Variants in FBXO6 observed in about 807,000 individuals in gnomAD.
FBXO6 encodes F-box protein 6, also known as F-box only protein 6.
Under a neutral mutation model 25.0 loss-of-function variants are expected in FBXO6, and 13 were observed. That is an observed-to-expected ratio of 0.52 (90% CI 0.34 to 0.83). The LOEUF (loss-of-function observed/expected upper bound fraction) is 0.83. Ranked by LOEUF, FBXO6 falls within the 40% of genes least tolerant of loss-of-function variation. The pLI, the probability that FBXO6 is intolerant of heterozygous loss-of-function variation, is 0.02. For missense variants in FBXO6, 370 were observed against 380.2 expected, an observed-to-expected ratio of 0.97 and a Z score of 0.22; for synonymous variants, 138 against 155.3, an observed-to-expected ratio of 0.89 and a Z score of 0.83.
At position 11,673,907 on chromosome 1, in the gene FBXO6, C is replaced by A; in HGVS notation, c.*56C>A. On this transcript the variant is annotated 3_prime_UTR_variant, in exon 6 of 6. Coordinates refer to ENST00000376753, the MANE Select transcript of FBXO6 (RefSeq NM_018438.6). The surrounding 1 kb of genome is among the most constrained non-coding windows in gnomAD (Gnocchi z 4.3). ...GAGGTTCCTCCAGGCAGGAGCTGAG[C>A]ATGGGGTGGGCAGTGAGGTCCCTGT... 6.5e-7 allele frequency: 1 copy of A among 1,537,828 alleles called. No individual in the cohort carries two copies. Among genetic ancestry groups the A allele is most frequent in the African/African-American group, 1.4e-5 (1 of 73,560 alleles).
rs1176119274 is a variant in FBXO6, at chr1:11,665,388, TG to T, written c.-4+1136del. ...TACAGGCACCTGCTTCTCGAGTAGC[TG>T]GGACTACAGGCACCTGCAACCAAGC... On this transcript the variant is annotated intron_variant, in intron 1 of 5. Coordinates refer to ENST00000376753, the MANE Select transcript of FBXO6 (RefSeq NM_018438.6). Among the ~76,000 whole-genome samples, 7 of 147,820 alleles carry T rather than the reference TG, an allele frequency of 4.7e-5. No homozygotes were observed. In the East Asian group the frequency reaches 1.4e-3, roughly 30 times the overall value.
Position 11,673,922 on chromosome 1 carries a change from G to A in FBXO6, c.*71G>A. 2 of 1,414,160 alleles carry A rather than the reference G, an allele frequency of 1.4e-6. No homozygotes were observed. The highest frequency in any genetic ancestry group is 2.0e-6 in the Non-Finnish European group (2 of 1,002,738). The allele number at this position is 1,414,160 out of a possible 1,614,324, so 87.6% of individuals were successfully genotyped here. A position where few individuals can be genotyped will look rare whatever the true frequency, so the allele number is the denominator to read the frequency against. On this transcript the variant is annotated 3_prime_UTR_variant, in exon 6 of 6. Transcript: ENST00000376753. The surrounding 1 kb of genome is among the most constrained non-coding windows in gnomAD (Gnocchi z 4.3). Reference sequence around the variant, plus strand: ...AGGAGCTGAGCATGGGGTGGGCAGTGAGGTCCCTGTACCAGCGACTCCTGC... The same window carrying A: ...AGGAGCTGAGCATGGGGTGGGCAGTAAGGTCCCTGTACCAGCGACTCCTGC...
rs150018641 is a variant in FBXO6 at position 11,673,347 on chromosome 1, G to A, written c.580G>A (p.Val194Met). ...GCAGCTGGCCTCGGCTGACTACTTC[G>A]TGTTGGCCTCCTTCGAGCCCCCACC... is the stretch of plus-strand genomic sequence containing the variant. ...KVQLASADYFVLASFEPPPVT... is the reference protein window; with the variant it reads ...KVQLASADYFMLASFEPPPVT... The change falls in exon 5 of 6, where the codon GTG (valine) becomes ATG (methionine). Residue 194 changes from valine to methionine, a missense_variant. Val to Met is a conservative substitution (Grantham distance 21). Coordinates refer to ENST00000376753, the MANE Select transcript of FBXO6 (RefSeq NM_018438.6). This position sits in a 1 kb window ranked among gnomAD's most constrained non-coding sequence, Gnocchi z 4.3. 3.0e-5 allele frequency: 48 copies of A among 1,613,962 alleles called. No individual in the cohort carries two copies. The Admixed American group carries it at 3.2e-4, about 11-fold the overall frequency.
intron 1 of FBXO6, among the ~76,000 whole-genome samples, chr1:11,665,599 T>C (rs12142546): frequency 0.6 from 65,276 of 108,206 alleles, 19,643 homozygotes; most frequent in African/African-American, 0.77. Context: ...CTCACTCTGT[T>C]GCCCAGGCTG....
chr1:11,672,078 C>A, intron 4 of FBXO6, 55 bp downstream of exon 4: 2 of 1,469,144 alleles, frequency 1.4e-6, no homozygotes, highest in Non-Finnish European at 1.9e-6. Context: ...TCTTACTGCG[C>A]TGCATGTACG....
chr1:11,668,401 GTTTT>G (rs58492433), intron 1 of FBXO6, among the ~76,000 whole-genome samples: 3 of 142,628 alleles, frequency 2.1e-5, no homozygotes, highest in Non-Finnish European at 3.1e-5. Flanking sequence ...TCTTTTGTGG[GTTTT>G]TTTTTTTTTT....
Position 11,673,333 on chromosome 1 carries a change from C to A in FBXO6, c.566C>A (p.Ser189Ter). 1 of 1,614,104 alleles carries A rather than the reference C, an allele frequency of 6.2e-7. No individual in the cohort carries two copies. The highest frequency in any genetic ancestry group is 2.2e-5 in the East Asian group (1 of 44,890). ...CTYQLKVQLASADYFVLASFE... is the reference protein window; with the variant it reads ...CTYQLKVQLA ...TACCAACTCAAAGTGCAGCTGGCCT[C>A]GGCTGACTACTTCGTGTTGGCCTCC... Residue 189 changes from serine (S) to a stop codon, truncating the protein, a stop_gained, in exon 5 of 6, where the codon TCG (serine) becomes TAG (stop). Transcript: ENST00000376753. LOFTEE classifies it high-confidence loss of function. The surrounding 1 kb of genome is among the most constrained non-coding windows in gnomAD (Gnocchi z 4.3).
In FBXO6 at chr1:11,673,551, G is replaced by C; in HGVS notation, c.646-64G>C. The stretch of plus-strand genomic sequence containing the variant: ...TCCAGCCTGGGCAGCTCTCTTAGAG[G>C]ACCTGGCTCCTGCCTTCCCCTCCCC... On this transcript the variant is annotated intron_variant, in intron 5 of 5. Transcript: ENST00000376753. The surrounding 1 kb of genome is among the most constrained non-coding windows in gnomAD (Gnocchi z 4.3). 5.7e-6 allele frequency: 9 copies of C among 1,578,508 alleles called. No individual in the cohort carries two copies. Among genetic ancestry groups the C allele is most frequent in the Non-Finnish European group, 7.8e-6 (9 of 1,156,334 alleles).
At chr1:11,665,327 C>T (rs1640394486) in intron 1 of FBXO6, among the ~76,000 whole-genome samples, 1 of 141,586 alleles carries the variant, frequency 7.1e-6, no homozygotes, top group African/African-American at 2.6e-5. Context: ...CGGGTTCAGG[C>T]CGTCCTCCTG....
At chr1:11,672,427 C>T (rs1416601458) in intron 4 of FBXO6, among the ~76,000 whole-genome samples, 1 of 151,792 alleles carries the variant, frequency 6.6e-6, no homozygotes, top group Non-Finnish European at 1.5e-5. Context: ...GCTGGGATTA[C>T]AGGTGCCCAC....
At chr1:11,664,845 T>C (rs1410710600) in intron 1 of FBXO6, 1 of 152,006 alleles carries the variant, frequency 6.6e-6, no homozygotes, top group East Asian at 1.9e-4. Flanking sequence ...GAGGGCTTCC[T>C]AGGGCTGGCA....
chr1:11,669,585 C>T (rs1325509948), intron 2 of FBXO6, among the ~76,000 whole-genome samples: 1 of 151,568 alleles, frequency 6.6e-6, no homozygotes, highest in Non-Finnish European at 1.5e-5. Flanking sequence ...GTGACACCTT[C>T]ACATATACAC....
Position 11,673,795 on chromosome 1 carries a change from C to G in FBXO6, c.826C>G (p.His276Asp). 1 of 1,614,154 alleles carries G rather than the reference C, an allele frequency of 6.2e-7. No homozygotes were observed. The highest frequency in any genetic ancestry group is 8.5e-7 in the Non-Finnish European group (1 of 1,180,044). Residue 276 changes from histidine to aspartate, a missense_variant, in exon 6 of 6, where the codon CAT (histidine) becomes GAT (aspartate). Physicochemically the swap from His to Asp is moderately conservative, Grantham distance 81 (BLOSUM62 -1). Transcript: ENST00000376753. The surrounding 1 kb of genome is among the most constrained non-coding windows in gnomAD (Gnocchi z 4.3). Reference sequence around the variant, plus strand: ...CTCCGAGGCTCAGCCTGGGCAGAAGCATGGACAGGAGGAGGCTGCCCAATC... The same window carrying G: ...CTCCGAGGCTCAGCCTGGGCAGAAGGATGGACAGGAGGAGGCTGCCCAATC... The part of the protein sequence containing the change: ...ASSEAQPGQK[H>D]GQEEAAQSPY...
At chr1:11,671,438 G>A (rs369738321) in intron 3 of FBXO6, 46 bp downstream of exon 3, 35 of 1,593,312 alleles carry the variant, frequency 2.2e-5, no homozygotes, top group African/African-American at 2.7e-5. Context: ...GGGACAGAGG[G>A]TCAGGACACC....
In FBXO6 at chr1:11,673,316, C is replaced by A; in HGVS notation, c.549C>A (p.Leu183=). 1 of 1,614,036 alleles carries A rather than the reference C, an allele frequency of 6.2e-7. No homozygotes were observed. Among genetic ancestry groups the A allele is most frequent in the African/African-American group, 1.3e-5 (1 of 75,066 alleles). Residue 183 remains leucine (L), a synonymous_variant, in exon 5 of 6, where the codon CTC becomes CTA. Transcript: ENST00000376753. The surrounding 1 kb of genome is among the most constrained non-coding windows in gnomAD (Gnocchi z 4.3). ...ARADCGCTYQ[L]KVQLASADYF... is the part of the protein sequence containing the mutation. ...CCGACTGTGGCTGCACCTACCAACTCAAAGTGCAGCTGGCCTCGGCTGACT... is the reference window on the plus strand; with the variant it reads ...CCGACTGTGGCTGCACCTACCAACTAAAAGTGCAGCTGGCCTCGGCTGACT...
intron 1 of FBXO6, 165 bp downstream of exon 1, chr1:11,664,420 C>G (rs1243516415): frequency 2.0e-5 from 3 of 151,450 alleles, no homozygotes; most frequent in Admixed American, 2.0e-4. Flanking sequence ...GCCGCTGCGC[C>G]CAGGTCGCGT....
At chr1:11,670,104 T>C (rs1243787090) in intron 2 of FBXO6, among the ~76,000 whole-genome samples, 9 of 151,052 alleles carry the variant, frequency 6.0e-5, no homozygotes, top group Non-Finnish European at 1.2e-4. Context: ...TCCCAGCTAC[T>C]TGGGAGGCTG....
In FBXO6 at chr1:11,670,212, CAA is replaced by C. The variant is rs767314286; in HGVS notation, c.287-1039_287-1038del. On this transcript the variant is annotated intron_variant, in intron 2 of 5. Transcript: ENST00000376753. ...TGGGCAACAGAGCAAGACTCCGTCT[CAA>C]AAAAAAAAAAAAAAGTGCCCTGGTG... is the stretch of plus-strand genomic sequence containing the variant. Among the ~76,000 whole-genome samples the C allele has an allele frequency of 2.2e-4, 24 of 111,614 alleles. No homozygotes were observed. The South Asian group carries it at 2.4e-3, about 11-fold the overall frequency. 73.2% of individuals were successfully genotyped at this position (111,614 alleles called of 152,430 possible). A position where few individuals can be genotyped will look rare whatever the true frequency, so the allele number is the denominator to read the frequency against.
intron 1 of FBXO6, among the ~76,000 whole-genome samples, chr1:11,667,840 C>A (rs903539044): frequency 1.3e-5 from 2 of 152,114 alleles, no homozygotes; most frequent in African/African-American, 4.8e-5. Flanking sequence ...CGCCTGTAAT[C>A]CCAGCACTTT....
Sources: gnomAD v4.1 joint callset for allele counts (sites outside exome capture counted in the v4.1 genomes callset) on GRCh38, gnomAD v4.1.1 for gene constraint, Gnocchi (gnomAD v3.1) non-coding constraint, MANE v1.5 for transcripts, NCBI Gene and HGNC (gene_info 2026-07-23, HGNC 2026-07-21) for gene names.